The following BCAR1 variants were observed in gnomAD, a reference collection of about 807,000 sequenced individuals.
BCAR1 encodes BCAR1 scaffold protein, Cas family member, also known as breast cancer anti-estrogen resistance protein 1.
Under a neutral mutation model 67.6 loss-of-function variants are expected in BCAR1, and 30 were observed. The observed-to-expected ratio is 0.44, with a 90% CI of 0.33 to 0.60. The LOEUF is 0.60. Among genes scored for constraint, BCAR1 ranks in the 20% least tolerant of loss-of-function variants. The pLI is 0.02. For synonymous variants in BCAR1, 626 were observed against 556.7 expected (o/e 1.12, Z -1.75); for missense variants, 1,313 against 1,222.3 (o/e 1.07, Z -1.11).
chr16:75,258,547 C>A (rs1264252584), intron 1 of BCAR1, among the ~76,000 whole-genome samples: 3 of 152,216 alleles, frequency 2.0e-5, no homozygotes, highest in African/African-American at 4.8e-5. Context: ...GGGGCACAAA[C>A]GTAAACGCTT....
chr16:75,229,261 C>A lies in BCAR1; in HGVS notation c.*250G>T. The A allele has an allele frequency of 1.9e-6, 1 of 535,736 alleles. No individual in the cohort carries two copies. The highest frequency in any genetic ancestry group is 3.1e-6 in the Non-Finnish European group (1 of 321,140). The allele number at this position is 535,736 out of a possible 1,614,324, so 33.2% of individuals were successfully genotyped here. On this transcript the variant is annotated 3_prime_UTR_variant, in exon 7 of 7. Coordinates refer to ENST00000162330, the MANE Select transcript of BCAR1 (RefSeq NM_014567.5). ...TCACACTCCAGCCCCGTCTGGTGAC[C>A]CAACCCGGGCCCGTGGTGCATGCTG...
chr16:75,236,021 G>C, intron 4 of BCAR1, 35 bp from the exon 5 acceptor site: 1 of 1,538,774 alleles, frequency 6.5e-7, no homozygotes, highest in Non-Finnish European at 8.8e-7. Flanking sequence ...CTGTCCATCT[G>C]TCCATCTGCC....
At chr16:75,242,330 C>T (rs1567605984) in intron 2 of BCAR1, 140 bp downstream of exon 2, 7 of 1,269,180 alleles carry the variant, frequency 5.5e-6, no homozygotes, top group East Asian at 3.0e-5. Context: ...CAAACACTCA[C>T]TTCCCACTTT....
Position 75,242,702 on chromosome 16 carries a change from C to T in BCAR1, c.401G>A (p.Ser134Asn), listed in dbSNP as rs573754337. Reference protein sequence around the residue: ...QQGLYQVPGPSPQFQSPPAKQ... With the variant: ...QQGLYQVPGPNPQFQSPPAKQ... ...GGCTGGGGGAGACTGGAACTGAGGGCTGGGACCCGGGACTTGGTAGAGGCC... is the reference window on the plus strand; with the variant it reads ...GGCTGGGGGAGACTGGAACTGAGGGTTGGGACCCGGGACTTGGTAGAGGCC... Residue 134 changes from serine to asparagine, a missense_variant, in exon 2 of 7, where the codon AGC becomes AAC. By Grantham distance (46) the Ser-to-Asn change is conservative. Coordinates refer to ENST00000162330, the MANE Select transcript of BCAR1 (RefSeq NM_014567.5). 6.4e-7 allele frequency: 1 copy of T among 1,551,562 alleles called. No homozygotes were observed. The highest frequency in any genetic ancestry group is 2.0e-5 in the Admixed American group (1 of 50,792).
At position 75,232,493 on chromosome 16, in the gene BCAR1, C is replaced by T. The variant is rs376686240; in HGVS notation, c.2100+1353G>A. ...TATTAATGTATACAGACTTGGGTCT[C>T]ACTACGTGGCCTGGCTGGTCTCAAA... is the stretch of plus-strand genomic sequence containing the variant. On this transcript the variant is annotated intron_variant, in intron 6 of 6. Coordinates refer to ENST00000162330, the MANE Select transcript of BCAR1 (RefSeq NM_014567.5). Among the ~76,000 whole-genome samples, 5 of 152,260 alleles carry T rather than the reference C, an allele frequency of 3.3e-5. No individual in the cohort carries two copies. The East Asian group carries it at 5.8e-4, about 18-fold the overall frequency.
At chr16:75,253,970 A>T (rs1333941655), upstream of BCAR1, among the ~76,000 whole-genome samples, 8 of 147,830 alleles carry the variant, frequency 5.4e-5, no homozygotes, top group Admixed American at 1.3e-4. Flanking sequence ...GTTAGCCCCA[A>T]TTTTTTTTTT....
intron 1 of BCAR1, among the ~76,000 whole-genome samples, chr16:75,258,222 G>A (rs4888367): frequency 0.4 from 61,176 of 152,108 alleles, 12,640 homozygotes; most frequent in South Asian, 0.52. Flanking sequence ...TACAGCCTGC[G>A]TAGACACCGC....
chr16:75,235,843 AG>A lies in BCAR1; in HGVS notation c.1055del (p.Pro352LeufsTer119). The stretch of plus-strand genomic sequence containing the variant: ...CGTCCTCGGCCGGCGGGGAGTCTGG[AG>A]GGGGCGCAGCCAGTACCAGTGGGGT... ...ARTPLVLAAPPPDSPPAEDVY... is the reference protein window; with the variant it reads ...ARTPLVLAAPXPDSPPAEDVY... On this transcript the variant is annotated frameshift_variant, in exon 5 of 7. Coordinates refer to ENST00000162330, the MANE Select transcript of BCAR1 (RefSeq NM_014567.5). LOFTEE classifies it high-confidence loss of function. The A allele has an allele frequency of 6.4e-7, 1 of 1,568,916 alleles. No individual in the cohort carries two copies.
At chr16:75,241,788 T>C (rs1383405810) in intron 2 of BCAR1, among the ~76,000 whole-genome samples, 2 of 152,188 alleles carry the variant, frequency 1.3e-5, no homozygotes, top group South Asian at 2.1e-4. Flanking sequence ...TAGTGCTGAC[T>C]CCTTCCTACA....
At chr16:75,233,592 G>A (rs939475882) in intron 6 of BCAR1, among the ~76,000 whole-genome samples, 1 of 152,106 alleles carries the variant, frequency 6.6e-6, no homozygotes, top group African/African-American at 2.4e-5. Flanking sequence ...AGCTGTGAGG[G>A]GTCTATTTTC....
intron 1 of BCAR1, chr16:75,250,960 G>A (rs949010184): frequency 8.1e-6 from 8 of 985,420 alleles, no homozygotes; most frequent in Non-Finnish European, 9.6e-6. Context: ...CTGGAGCCGG[G>A]TGCTCCGGCT....
In BCAR1 at chr16:75,235,833, G is replaced by A; in HGVS notation, c.1066C>T (p.Pro356Ser). ...LVLAAPPPDS[P>S]PAEDVYDVPP... Reference sequence around the variant, plus strand: ...ACGTCATACACGTCCTCGGCCGGCGGGGAGTCTGGAGGGGGCGCAGCCAGT... The same window carrying A: ...ACGTCATACACGTCCTCGGCCGGCGAGGAGTCTGGAGGGGGCGCAGCCAGT... The change falls in exon 5 of 7, where the codon CCG becomes TCG. Residue 356 changes from proline (P) to serine (S), a missense_variant. Around this residue, in one of 2 missense-constraint regions of BCAR1, gnomAD observed 1,272 missense variants for 1,137.5 expected, o/e 1.12. Transcript: ENST00000162330. 3.2e-6 allele frequency: 5 copies of A among 1,576,350 alleles called. No homozygotes were observed. The highest frequency in any genetic ancestry group is 3.3e-4 in the Middle Eastern group (2 of 5,994).
At chr16:75,237,724 C>G (rs1437222076) in intron 2 of BCAR1, among the ~76,000 whole-genome samples, 1 of 152,194 alleles carries the variant, frequency 6.6e-6, no homozygotes, top group Non-Finnish European at 1.5e-5. Flanking sequence ...CCCCCCGTTA[C>G]TGGGGCGCCT....
chr16:75,260,891 C>T (rs182408436), intron 1 of BCAR1, among the ~76,000 whole-genome samples: 538 of 152,302 alleles, frequency 3.5e-3, no homozygotes, highest in Non-Finnish European at 5.6e-3. Context: ...GATAATTCTT[C>T]CTCCTTCCCC....
At chr16:75,243,455 G>A (rs771373569) in intron 1 of BCAR1, 4 of 562,394 alleles carry the variant, frequency 7.1e-6, no homozygotes, top group Non-Finnish European at 1.0e-5. Flanking sequence ...AAGCTGCCAA[G>A]TTAAAACAAA....
intron 1 of BCAR1, 53 bp from the exon 2 acceptor site, chr16:75,243,143 G>C: frequency 3.9e-6 from 6 of 1,521,884 alleles, no homozygotes; most frequent in Non-Finnish European, 5.3e-6. Flanking sequence ...TGGGGCGTCA[G>C]GGGCTCCCCA....
intron 2 of BCAR1, among the ~76,000 whole-genome samples, chr16:75,240,489 T>C (rs2077301713): frequency 6.6e-6 from 1 of 152,246 alleles, no homozygotes; most frequent in African/African-American, 2.4e-5. Flanking sequence ...CAAAATGCTT[T>C]TGATATCTAA....
intron 2 of BCAR1, among the ~76,000 whole-genome samples, chr16:75,242,087 T>A (rs1281226966): frequency 6.6e-6 from 1 of 152,176 alleles, no homozygotes; most frequent in Non-Finnish European, 1.5e-5. Flanking sequence ...GGCTGACACG[T>A]AAACCCAGAT....
In BCAR1 at chr16:75,231,364, C is replaced by T. The variant is rs113014538; in HGVS notation, c.2101-1341G>A. 3.9e-3 allele frequency among the ~76,000 whole-genome samples: 599 copies of T among 152,262 alleles called. 7 individuals carry two copies. The highest frequency in any genetic ancestry group is 0.01 in the African/African-American group (423 of 41,556). The stretch of plus-strand genomic sequence containing the variant: ...TCTCCCAAAGTGATGGGATTACAAG[C>T]GTGAGCCACTGCACCCAGCCCTTTT... On this transcript the variant is annotated intron_variant, in intron 6 of 6. Coordinates refer to ENST00000162330, the MANE Select transcript of BCAR1 (RefSeq NM_014567.5).
Sources: gnomAD v4.1 joint callset for allele counts (sites outside exome capture counted in the v4.1 genomes callset) on GRCh38, gnomAD v4.1.1 for gene constraint, gnomAD v4.1.1 regional missense constraint, MANE v1.5 for transcripts, NCBI Gene and HGNC (gene_info 2026-07-23, HGNC 2026-07-21) for gene names.